The following CYP2C19 variants were observed in gnomAD, a reference collection of about 807,000 sequenced individuals.
The protein encoded by CYP2C19 is cytochrome P450 family 2 subfamily C member 19.
Under a neutral mutation model 40.9 loss-of-function variants are expected in CYP2C19, and 59 were observed. That is an observed-to-expected ratio of 1.44 (90% CI 1.17 to 1.79). CYP2C19 has a LOEUF of 1.79. Ranked by LOEUF, CYP2C19 falls within the 40% of genes most tolerant of loss-of-function variation. The probability of loss-of-function intolerance (pLI) is 0.00; values close to 1 mark genes in which losing one functional copy is unlikely to be tolerated. For synonymous variants in CYP2C19, 253 were observed against 208.7 expected, an observed-to-expected ratio of 1.21 and a Z score of -1.83; for missense variants, 754 against 596.9, an observed-to-expected ratio of 1.26 and a Z score of -2.74.
chr10:94,852,221 G>A (rs983298081), intron 8 of CYP2C19, among the ~76,000 whole-genome samples: 1 of 149,470 alleles, frequency 6.7e-6, no homozygotes, highest in Middle Eastern at 3.2e-3. Context: ...AGACAGGGAA[G>A]CCATTTAAAG....
chr10:94,815,483 A>T (rs1848987686), intron 5 of CYP2C19, among the ~76,000 whole-genome samples: 1 of 152,218 alleles, frequency 6.6e-6, no homozygotes, highest in South Asian at 2.1e-4. Context: ...TCAACACCCC[A>T]GCCCTAATTC....
chr10:94,849,613 T>C (rs889605789), intron 7 of CYP2C19, among the ~76,000 whole-genome samples: 1 of 147,086 alleles, frequency 6.8e-6, no homozygotes, highest in African/African-American at 2.5e-5. Context: ...GTATATCTCC[T>C]AATGCTATCC....
intron 6 of CYP2C19, among the ~76,000 whole-genome samples, chr10:94,832,060 C>G (rs907432316): frequency 6.6e-6 from 1 of 152,020 alleles, no homozygotes; most frequent in African/African-American, 2.4e-5. Flanking sequence ...GTTTTTAATC[C>G]ATTTTGAGTT....
At position 94,842,790 on chromosome 10, in the gene CYP2C19, G is replaced by A. The variant is rs751384039; in HGVS notation, c.962-47G>A. The A allele has an allele frequency of 1.1e-5, 17 of 1,594,450 alleles. 1 individual carries two copies. In the South Asian group the frequency reaches 1.4e-4, roughly 13 times the overall value. ...GTACCCCTGAATTGCTAGAACAAAT[G>A]TTCCATTTCTCTCCTTTTCCATCAG... is the stretch of plus-strand genomic sequence containing the variant. On this transcript the variant is annotated intron_variant, in intron 6 of 8. Transcript: ENST00000371321.
intron 7 of CYP2C19, among the ~76,000 whole-genome samples, chr10:94,849,185 T>G (rs1422583156): frequency 6.6e-6 from 1 of 152,050 alleles, no homozygotes; most frequent in Non-Finnish European, 1.5e-5. Flanking sequence ...ATAAGATTTG[T>G]GAAAACTGAA....
intron 6 of CYP2C19, among the ~76,000 whole-genome samples, chr10:94,823,076 A>G (rs540204270): frequency 5.9e-5 from 9 of 152,336 alleles, no homozygotes; most frequent in African/African-American, 2.2e-4. Context: ...ATAATAAATC[A>G]GTACAGAGAG....
At chr10:94,816,395 A>G (rs940916676) in intron 5 of CYP2C19, among the ~76,000 whole-genome samples, 6 of 152,110 alleles carry the variant, frequency 3.9e-5, no homozygotes, top group South Asian at 2.1e-4. Context: ...AGTAGTATCA[A>G]AAGTGAGTGC....
chr10:94,832,165 T>C (rs1849344959), intron 6 of CYP2C19, among the ~76,000 whole-genome samples: 1 of 152,192 alleles, frequency 6.6e-6, no homozygotes, highest in South Asian at 2.1e-4. Flanking sequence ...AGATGGTCTT[T>C]CCCCCAGTGT....
In CYP2C19 at chr10:94,854,653, A is replaced by G. The variant is rs767974795; in HGVS notation, c.*1739A>G. 6.6e-6 allele frequency among the ~76,000 whole-genome samples: 1 copy of G among 152,132 alleles called. No individual in the cohort carries two copies. Among genetic ancestry groups the G allele is most frequent in the Non-Finnish European group, 1.5e-5 (1 of 68,016 alleles). ...CATGTACATCTATGCATGTGTGTGT[A>G]CATTATGTGCATTCACACATAATAT... On this transcript the variant is annotated 3_prime_UTR_variant, in exon 9 of 9. Coordinates refer to ENST00000371321, the MANE Select transcript of CYP2C19 (RefSeq NM_000769.4).
intron 5 of CYP2C19, among the ~76,000 whole-genome samples, chr10:94,784,188 A>G (rs1429667268): frequency 1.3e-5 from 2 of 152,046 alleles, no homozygotes; most frequent in South Asian, 2.1e-4. Flanking sequence ...TACACTTACA[A>G]TGTTTTGGAG....
At chr10:94,803,922 TTGCACC>T (rs1305419807) in intron 5 of CYP2C19, among the ~76,000 whole-genome samples, 9 of 152,086 alleles carry the variant, frequency 5.9e-5, no homozygotes, top group African/African-American at 2.2e-4. Flanking sequence ...GAGGGCCCCC[TTGCACC>T]ATGATCTATG....
At chr10:94,790,007 T>C (rs2134245148) in intron 5 of CYP2C19, among the ~76,000 whole-genome samples, 1 of 152,312 alleles carries the variant, frequency 6.6e-6, no homozygotes, top group South Asian at 2.1e-4. Flanking sequence ...GTTTGTGTCC[T>C]CTTTTATTTC....
At chr10:94,782,654 T>C (rs1009640154) in intron 5 of CYP2C19, among the ~76,000 whole-genome samples, 2 of 152,112 alleles carry the variant, frequency 1.3e-5, no homozygotes, top group Non-Finnish European at 2.9e-5. Context: ...TAAAGACACA[T>C]GTACACATTT....
intron 1 of CYP2C19, among the ~76,000 whole-genome samples, chr10:94,770,828 A>G (rs1212474497): frequency 2.0e-5 from 3 of 152,254 alleles, no homozygotes; most frequent in African/African-American, 7.2e-5. Flanking sequence ...TTATGACTAC[A>G]GTCCCCATGA....
intron 5 of CYP2C19, among the ~76,000 whole-genome samples, chr10:94,802,564 G>A (rs557913188): frequency 6.6e-6 from 1 of 152,044 alleles, no homozygotes; most frequent in Non-Finnish European, 1.5e-5. Context: ...CTTTTAACTA[G>A]GGTATTTAGC....
At chr10:94,852,063 A>C (rs1043089065) in intron 8 of CYP2C19, among the ~76,000 whole-genome samples, 5 of 152,052 alleles carry the variant, frequency 3.3e-5, no homozygotes, top group African/African-American at 1.2e-4. Flanking sequence ...AAAACTTGAA[A>C]CCTAGTGTGT....
At chr10:94,817,674 T>C (rs1486473896) in intron 5 of CYP2C19, among the ~76,000 whole-genome samples, 2 of 150,970 alleles carry the variant, frequency 1.3e-5, no homozygotes, top group African/African-American at 4.9e-5. Flanking sequence ...TCCTGAATGG[T>C]AATGCCTAGG....
Position 94,827,556 on chromosome 10 carries a change from T to G in CYP2C19, c.961+6919T>G, listed in dbSNP as rs569064640. Among the ~76,000 whole-genome samples, 9 of 152,268 alleles carry G rather than the reference T, an allele frequency of 5.9e-5. No individual in the cohort carries two copies. In the South Asian group the frequency reaches 1.9e-3, roughly 32 times the overall value. ...CGTCTATTTGATTCTTCTCTCTCTT[T>G]TTCTTTATTAGTCTTGCTAGTGGTC... On this transcript the variant is annotated intron_variant, in intron 6 of 8. Transcript: ENST00000371321.
At chr10:94,848,355 T>C (rs1268190374) in intron 7 of CYP2C19, among the ~76,000 whole-genome samples, 1 of 152,248 alleles carries the variant, frequency 6.6e-6, no homozygotes, top group Non-Finnish European at 1.5e-5. Context: ...CATTTCTTGT[T>C]TTTGTCAAGT....
Sources: gnomAD v4.1 joint callset for allele counts (sites outside exome capture counted in the v4.1 genomes callset) on GRCh38, gnomAD v4.1.1 for gene constraint, MANE v1.5 for transcripts, NCBI Gene and HGNC (gene_info 2026-07-23, HGNC 2026-07-21) for gene names.